The following TBC1D31 variants were observed in gnomAD, a reference collection of about 807,000 sequenced individuals.
TBC1D31 encodes WD repeat domain 67.
Under a neutral mutation model 132.9 loss-of-function variants are expected in TBC1D31, and 99 were observed. The ratio of observed to expected loss-of-function variants is 0.74; its 90% confidence interval spans 0.63 to 0.88. The LOEUF is 0.88. TBC1D31 is among the 40% of genes least tolerant of loss of function. TBC1D31 has a pLI of 0.00. For missense variants in TBC1D31, 1,134 were observed against 1,256.6 expected (o/e 0.90, Z 1.48); for synonymous variants, 385 against 419.4 (o/e 0.92, Z 1.00).
chr8:123,119,975 T>C lies in TBC1D31; in HGVS notation c.1437-80T>C. The C allele has an allele frequency of 4.0e-6, 5 of 1,254,802 alleles. No homozygotes were observed. The South Asian group carries it at 4.9e-5, about 12-fold the overall frequency. The allele number at this position is 1,254,802 out of a possible 1,614,324, so 77.7% of individuals were successfully genotyped here. A position where few individuals can be genotyped will look rare whatever the true frequency, so the allele number is the denominator to read the frequency against. On this transcript the variant is annotated intron_variant, in intron 10 of 21. Transcript: ENST00000287380. ...TACAAGGAAGAATTTTCACCAAATA[T>C]ACTTTTTGTATCAAATTTTTATCAT... is the stretch of plus-strand genomic sequence containing the variant.
Position 123,130,238 on chromosome 8 carries a change from C to CACTT in TBC1D31, c.2314_2317dup (p.Gln773LeufsTer26). ...AAGAGAGCTGAAAGTAAAGGAAATG[C>CACTT]ACTTACAAGATGCTGCAAGAAGGCG... On this transcript the variant is annotated frameshift_variant, in exon 16 of 22. Transcript: ENST00000287380. LOFTEE classifies it high-confidence loss of function. The CACTT allele has an allele frequency of 6.2e-7, 1 of 1,612,612 alleles. No homozygotes were observed. The highest frequency in any genetic ancestry group is 8.5e-7 in the Non-Finnish European group (1 of 1,179,242).
chr8:123,134,198 T>A lies in TBC1D31; in HGVS notation c.2491T>A (p.Tyr831Asn). Residue 831 changes from tyrosine (Y) to asparagine (N), a missense_variant, in exon 17 of 22, where the codon TAT becomes AAT. Coordinates refer to ENST00000287380, the MANE Select transcript of TBC1D31 (RefSeq NM_145647.4). Reference protein sequence around the residue: ...QLELESQKRLYEKNLTENQEA... With the variant: ...QLELESQKRLNEKNLTENQEA... ...GGAACTCGAATCACAAAAGAGACTT[T>A]ATGAGAAGGTATAATTCAGTTATTT... 6.2e-7 allele frequency: 1 copy of A among 1,613,534 alleles called. No individual in the cohort carries two copies. Among genetic ancestry groups the A allele is most frequent in the Non-Finnish European group, 8.5e-7 (1 of 1,179,548 alleles).
the TBC1D31 span, among the ~76,000 whole-genome samples, chr8:123,160,440 A>T: frequency 1.3e-5 from 2 of 151,882 alleles, no homozygotes; most frequent in African/African-American, 4.8e-5. Flanking sequence ...GAGAGGAAGA[A>T]GGGAAGTTGG....
chr8:123,096,410 A>T (rs1006996517), intron 5 of TBC1D31, among the ~76,000 whole-genome samples: 12 of 152,232 alleles, frequency 7.9e-5, no homozygotes, highest in Non-Finnish European at 1.5e-4. Flanking sequence ...TGTACCAGCC[A>T]GTCTGGAATA....
chr8:123,078,124 A>G (rs765187144), intron 2 of TBC1D31, among the ~76,000 whole-genome samples: 2 of 152,230 alleles, frequency 1.3e-5, no homozygotes, highest in African/African-American at 2.4e-5. Context: ...TCCGAAAGCA[A>G]TTAGGTGGGA....
At chr8:123,162,667 A>G in the TBC1D31 span, among the ~76,000 whole-genome samples, 1 of 152,294 alleles carries the variant, frequency 6.6e-6, no homozygotes, top group African/African-American at 2.4e-5. Flanking sequence ...GTTTGGATGA[A>G]TGCAATAAAT....
At chr8:123,161,114 G>A in the TBC1D31 span, among the ~76,000 whole-genome samples, 6 of 152,198 alleles carry the variant, frequency 3.9e-5, no homozygotes, top group African/African-American at 1.4e-4. Context: ...TGATGGCGAG[G>A]ACCCGCTGGG....
chr8:123,093,192 G>C (rs113498281), intron 4 of TBC1D31, among the ~76,000 whole-genome samples: 1 of 151,754 alleles, frequency 6.6e-6, no homozygotes, highest in Non-Finnish European at 1.5e-5. Flanking sequence ...CAAGTGATCC[G>C]CCTGCTTCGG....
At chr8:123,105,056 C>A (rs1817791926) in intron 7 of TBC1D31, among the ~76,000 whole-genome samples, 1 of 152,054 alleles carries the variant, frequency 6.6e-6, no homozygotes, top group Non-Finnish European at 1.5e-5. Context: ...ATATTTATTG[C>A]TATTGTTAAT....
chr8:123,111,305 G>A (rs1218178102), intron 10 of TBC1D31, among the ~76,000 whole-genome samples: 5 of 152,096 alleles, frequency 3.3e-5, no homozygotes, highest in South Asian at 2.1e-4. Context: ...TTTATAAACC[G>A]GGAAATTTCT....
In TBC1D31 at chr8:123,105,431, A is replaced by G. The variant is rs1295482413; in HGVS notation, c.1176A>G (p.Lys392=). The G allele has an allele frequency of 2.5e-6, 4 of 1,611,300 alleles. No individual in the cohort carries two copies. The highest frequency in any genetic ancestry group is 3.3e-5 in the Admixed American group (2 of 59,782). ...RESKMQTRIL[K]QDLTGDFESK... is the part of the protein sequence containing the mutation. ...GCAAAATGCAAACTAGAATATTAAAACAAGACCTGACTGGTGATTTTGAAA... is the reference window on the plus strand; with the variant it reads ...GCAAAATGCAAACTAGAATATTAAAGCAAGACCTGACTGGTGATTTTGAAA... Residue 392 remains lysine, a synonymous_variant, in exon 8 of 22, where the codon AAA becomes AAG. Coordinates refer to ENST00000287380, the MANE Select transcript of TBC1D31 (RefSeq NM_145647.4).
Position 123,148,239 on chromosome 8 carries a change from G to C in TBC1D31, c.2975-1797G>C, listed in dbSNP as rs143594275. On this transcript the variant is annotated intron_variant, in intron 20 of 21. Coordinates refer to ENST00000287380, the MANE Select transcript of TBC1D31 (RefSeq NM_145647.4). The stretch of plus-strand genomic sequence containing the variant: ...AATAATAGTAATAATTCCGTCAGTA[G>C]CTCTAGGGTAGAAACTAGGGAGCTA... Among the ~76,000 whole-genome samples the C allele has an allele frequency of 6.8e-3, 1,029 of 152,252 alleles. 8 individuals are homozygous for C. The highest frequency in any genetic ancestry group is 0.024 in the African/African-American group (991 of 41,524).
chr8:123,140,667 T>C, intron 17 of TBC1D31, 94 bp from the exon 18 acceptor site: 1 of 1,021,262 alleles, frequency 9.8e-7, no homozygotes, highest in Non-Finnish European at 1.4e-6. Flanking sequence ...ATTACAGCTT[T>C]TATTTGTGTG....
intron 10 of TBC1D31, among the ~76,000 whole-genome samples, chr8:123,119,827 A>G (rs1485521366): frequency 2.6e-5 from 4 of 152,254 alleles, no homozygotes; most frequent in African/African-American, 9.6e-5. Context: ...CCAAGATACC[A>G]TTAATTGAAA....
chr8:123,134,017 A>G, intron 16 of TBC1D31, 97 bp from the exon 17 acceptor site: 6 of 827,214 alleles, frequency 7.3e-6, no homozygotes, highest in Non-Finnish European at 1.1e-5. Flanking sequence ...TATTTTAAAT[A>G]CTGTTAGTAG....
chr8:123,090,328 C>A (rs187163603), intron 4 of TBC1D31, among the ~76,000 whole-genome samples: 6 of 152,288 alleles, frequency 3.9e-5, no homozygotes, highest in Non-Finnish European at 5.9e-5. Flanking sequence ...CTGTCTTTAT[C>A]TAAAGTCTTA....
chr8:123,117,413 T>C (rs1819025517), intron 10 of TBC1D31, among the ~76,000 whole-genome samples: 1 of 152,040 alleles, frequency 6.6e-6, no homozygotes, highest in African/African-American at 2.4e-5. Context: ...AGTAATTTTG[T>C]AGTAGATAAA....
chr8:123,162,898 T>C, the TBC1D31 span, among the ~76,000 whole-genome samples: 3 of 152,108 alleles, frequency 2.0e-5, no homozygotes, highest in African/African-American at 7.2e-5. Context: ...AGTGGTGCAA[T>C]TTCAGCTCAC....
At chr8:123,114,514 G>T (rs571709118) in intron 10 of TBC1D31, among the ~76,000 whole-genome samples, 3 of 152,090 alleles carry the variant, frequency 2.0e-5, no homozygotes, top group African/African-American at 7.2e-5. Context: ...TAGAGACAGG[G>T]TTTCACCAAG....
Sources: allele counts gnomAD v4.1 joint callset (sites outside exome capture counted in the v4.1 genomes callset), GRCh38; gene constraint gnomAD v4.1.1; transcripts MANE v1.5; gene names NCBI Gene and HGNC (gene_info 2026-07-23, HGNC 2026-07-21).